ASF1A: variants seen among roughly 807,000 people sequenced by gnomAD.
The protein encoded by ASF1A is anti-silencing function 1A histone chaperone, also known as histone chaperone ASF1A.
In ASF1A, 5 loss-of-function variants were observed where a neutral mutation model predicts 22.0. The ratio of observed to expected loss-of-function variants is 0.23; its 90% CI spans 0.12 to 0.48. The LOEUF (loss-of-function observed/expected upper bound fraction) is 0.48. Among genes scored for constraint, ASF1A ranks in the 20% least tolerant of loss-of-function variants. ASF1A has a pLI of 0.99. For synonymous variants in ASF1A, 97 were observed against 86.7 expected (o/e 1.12, Z -0.66); for missense variants, 137 against 240.6 (o/e 0.57, Z 2.85).
intron 1 of ASF1A, among the ~76,000 whole-genome samples, chr6:118,896,820 A>C (rs1333927613): frequency 1.4e-5 from 2 of 139,596 alleles, no homozygotes; most frequent in Non-Finnish European, 3.1e-5. Context: ...TTCTGTTCTT[A>C]AAATTAAACT....
chr6:118,894,981 G>C (rs1779268549), intron 1 of ASF1A, among the ~76,000 whole-genome samples: 1 of 149,864 alleles, frequency 6.7e-6, no homozygotes. Context: ...AATTGGGCCA[G>C]CGACCCCGGC....
At chr6:118,902,016 A>C (rs1318524715) in intron 2 of ASF1A, among the ~76,000 whole-genome samples, 1 of 152,238 alleles carries the variant, frequency 6.6e-6, no homozygotes, top group Non-Finnish European at 1.5e-5. Context: ...TCCTAGCCTT[A>C]GTACTTTTGA....
At chr6:118,903,319 T>C (rs888427115) in intron 2 of ASF1A, among the ~76,000 whole-genome samples, 1 of 152,110 alleles carries the variant, frequency 6.6e-6, no homozygotes, top group South Asian at 2.1e-4. Context: ...AAACAGCATA[T>C]TCTCCAGGAC....
intron 1 of ASF1A, among the ~76,000 whole-genome samples, chr6:118,897,199 CAG>C (rs533369435): frequency 3.3e-4 from 51 of 152,264 alleles, no homozygotes; most frequent in African/African-American, 1.2e-3. Context: ...AGTCTCAAAG[CAG>C]AGTTTGGCCA....
At chr6:118,896,198 T>G (rs142485899) in intron 1 of ASF1A, among the ~76,000 whole-genome samples, 1 of 152,280 alleles carries the variant, frequency 6.6e-6, no homozygotes, top group Admixed American at 6.5e-5. Flanking sequence ...TTGATTACTC[T>G]CCTATGATAC....
rs1371435442 is a variant in ASF1A, at chr6:118,907,732, G to A, written c.*118G>A. On this transcript the variant is annotated 3_prime_UTR_variant, in exon 4 of 4. Coordinates refer to ENST00000229595, the MANE Select transcript of ASF1A (RefSeq NM_014034.3). ...TGAAGAATTTGTTTAAAAACATCCT[G>A]TAGAAAGTTTATAAGAAAACCAGTA... The A allele has an allele frequency of 2.7e-6, 2 of 749,404 alleles. No homozygotes were observed. Among genetic ancestry groups the A allele is most frequent in the Non-Finnish European group, 2.1e-6 (1 of 472,178 alleles). 46.4% of individuals were successfully genotyped at this position (749,404 alleles called of 1,614,324 possible).
At chr6:118,898,419 G>A (rs1191926875) in intron 1 of ASF1A, among the ~76,000 whole-genome samples, 1 of 148,962 alleles carries the variant, frequency 6.7e-6, no homozygotes, top group African/African-American at 2.5e-5. Context: ...AAACCTTTAT[G>A]TAATAATTTT....
Position 118,894,391 on chromosome 6 carries a change from A to G in ASF1A, c.-23A>G, listed in dbSNP as rs1562426743. 3 of 1,536,208 alleles carry G rather than the reference A, an allele frequency of 2.0e-6. No homozygotes were observed. The highest frequency in any genetic ancestry group is 2.4e-5 in the South Asian group (2 of 84,008). ...TGTGCCGCAACCAGCCCCAGTTCCC[A>G]TTGTTTGTGTTTTTTTCAAAATATG... On this transcript the variant is annotated 5_prime_UTR_variant, in exon 1 of 4. Transcript: ENST00000229595.
At position 118,894,318 on chromosome 6, in the gene ASF1A, T is replaced by TGGAGCGGGGGTCTGCGCTCTCC; in HGVS notation, c.-95_-74dup. 7 of 1,510,232 alleles carry TGGAGCGGGGGTCTGCGCTCTCC rather than the reference T, an allele frequency of 4.6e-6. No homozygotes were observed. Among genetic ancestry groups the TGGAGCGGGGGTCTGCGCTCTCC allele is most frequent in the Non-Finnish European group, 6.2e-6 (7 of 1,132,014 alleles). The allele number at this position is 1,510,232 out of a possible 1,614,324, so 93.6% of individuals were successfully genotyped here. A position where few individuals can be genotyped will look rare whatever the true frequency, so the allele number is the denominator to read the frequency against. On this transcript the variant is annotated 5_prime_UTR_variant, in exon 1 of 4. Coordinates refer to ENST00000229595, the MANE Select transcript of ASF1A (RefSeq NM_014034.3). ...CCGCTGCACGACGTCTGGCCGGCGC[T>TGGAGCGGGGGTCTGCGCTCTCC]GGAGCGGGGGTCTGCGCTCTCCCGA...
chr6:118,900,713 T>C, intron 1 of ASF1A, 53 bp from the exon 2 acceptor site: 1 of 1,270,018 alleles, frequency 7.9e-7, no homozygotes, highest in South Asian at 1.2e-5. Flanking sequence ...TTTGATGTCA[T>C]CTGGTAATGT....
At chr6:118,905,935 AAT>A in intron 3 of ASF1A, 107 bp downstream of exon 3, 3 of 819,552 alleles carry the variant, frequency 3.7e-6, no homozygotes, top group Non-Finnish European at 5.5e-6. Context: ...AGATAAAATA[AAT>A]ATGAGGTCCT....
At chr6:118,906,314 C>T (rs1780174202) in intron 3 of ASF1A, among the ~76,000 whole-genome samples, 1 of 152,172 alleles carries the variant, frequency 6.6e-6, no homozygotes, top group South Asian at 2.1e-4. Flanking sequence ...CTCAAGTGAT[C>T]TGCCTACCTT....
At chr6:118,897,785 C>A (rs184477504) in intron 1 of ASF1A, among the ~76,000 whole-genome samples, 2 of 151,834 alleles carry the variant, frequency 1.3e-5, no homozygotes, top group Non-Finnish European at 2.9e-5. Context: ...ACCCTTCCTC[C>A]CTCAAATACA....
At chr6:118,897,505 G>C (rs1289036645) in intron 1 of ASF1A, among the ~76,000 whole-genome samples, 1 of 151,928 alleles carries the variant, frequency 6.6e-6, no homozygotes. Context: ...TACCAGAATT[G>C]AGCATGGTGC....
At chr6:118,899,655 A>G (rs1420398794) in intron 1 of ASF1A, among the ~76,000 whole-genome samples, 2 of 152,214 alleles carry the variant, frequency 1.3e-5, no homozygotes, top group Non-Finnish European at 2.9e-5. Flanking sequence ...AGAAAATAAA[A>G]AAGGAGCTTT....
chr6:118,904,592 C>T (rs571649334), intron 2 of ASF1A, among the ~76,000 whole-genome samples: 2 of 152,314 alleles, frequency 1.3e-5, no homozygotes, highest in South Asian at 4.1e-4. Flanking sequence ...GCCCTTCGCT[C>T]ATGCTCTTAG....
chr6:118,905,834 GTTCT>G lies in ASF1A; in HGVS notation c.402+8_402+11del. On this transcript the variant is annotated splice_region_variant and intron_variant, in intron 3 of 3. Coordinates refer to ENST00000229595, the MANE Select transcript of ASF1A (RefSeq NM_014034.3). The stretch of plus-strand genomic sequence containing the variant: ...TAAAACCAGACTTTTCTAAGGTAAT[GTTCT>G]TACTATTCCTTTTTAACTACTTTTA... 1 of 1,575,318 alleles carries G rather than the reference GTTCT, an allele frequency of 6.3e-7. No individual in the cohort carries two copies. The highest frequency in any genetic ancestry group is 8.6e-7 in the Non-Finnish European group (1 of 1,156,752).
In ASF1A at chr6:118,894,521, A is replaced by G; in HGVS notation, c.108A>G (p.Glu36=). ...ITFECIEDLS[E]DLEWKIIYVG... is the part of the protein sequence containing the mutation. ...TCGAGTGCATCGAGGACCTGTCTGA[A>G]GGTGAGTGCGGCGCCCGTGCGCCCG... The change falls in exon 1 of 4, where the codon GAA becomes GAG. Residue 36 remains glutamate, a splice_region_variant and synonymous_variant. Coordinates refer to ENST00000229595, the MANE Select transcript of ASF1A (RefSeq NM_014034.3). 6.5e-7 allele frequency: 1 copy of G among 1,536,796 alleles called. No individual in the cohort carries two copies. The highest frequency in any genetic ancestry group is 8.7e-7 in the Non-Finnish European group (1 of 1,146,514).
At position 118,894,304 on chromosome 6, in the gene ASF1A, C is replaced by G; in HGVS notation, c.-110C>G. 6.7e-7 allele frequency: 1 copy of G among 1,498,020 alleles called. No homozygotes were observed. Among genetic ancestry groups the G allele is most frequent in the African/African-American group, 1.4e-5 (1 of 71,310 alleles). The allele number at this position is 1,498,020 out of a possible 1,614,324, so 92.8% of individuals were successfully genotyped here. ...AGTTTCTCAAGTCGCCGCTGCACGA[C>G]GTCTGGCCGGCGCTGGAGCGGGGGT... is the stretch of plus-strand genomic sequence containing the variant. On this transcript the variant is annotated 5_prime_UTR_variant, in exon 1 of 4. Transcript: ENST00000229595.
Sources: gnomAD v4.1 joint callset for allele counts (sites outside exome capture counted in the v4.1 genomes callset) on GRCh38, gnomAD v4.1.1 for gene constraint, MANE v1.5 for transcripts, NCBI Gene and HGNC (gene_info 2026-07-23, HGNC 2026-07-21) for gene names.